BORCS5: variants seen among roughly 807,000 people sequenced by gnomAD.
BORCS5 encodes the protein BLOC-1-related complex subunit 5.
In BORCS5, 17 loss-of-function variants were observed where a neutral mutation model predicts 22.1. That is an observed-to-expected ratio of 0.77 (90% CI 0.53 to 1.15). The LOEUF (loss-of-function observed/expected upper bound fraction) is 1.15, where lower values mean the gene tolerates loss of function less well. BORCS5 is among the 50% of genes most tolerant of loss of function. The pLI is 0.00. For missense variants in BORCS5, 247 were observed against 253.2 expected, an observed-to-expected ratio of 0.98 and a Z score of 0.17; for synonymous variants, 117 against 99.8, an observed-to-expected ratio of 1.17 and a Z score of -1.03.
At chr12:12,457,857 T>C (rs1286200175) in intron 3 of BORCS5, among the ~76,000 whole-genome samples, 2 of 152,218 alleles carry the variant, frequency 1.3e-5, no homozygotes, top group Non-Finnish European at 2.9e-5. Context: ...GGACAGCTGC[T>C]TCCCTGAAAC....
chr12:12,438,373 A>AC (rs1565915577), intron 3 of BORCS5, among the ~76,000 whole-genome samples: 4 of 129,656 alleles, frequency 3.1e-5, no homozygotes, highest in Admixed American at 1.5e-4. Flanking sequence ...AAAAAAAAAA[A>AC]AAAAAAACGA....
At chr12:12,438,372 A>AAAAAAAAAAAAAAAC (rs1942604651) in intron 3 of BORCS5, among the ~76,000 whole-genome samples, 1 of 129,788 alleles carries the variant, frequency 7.7e-6, no homozygotes. Context: ...AAAAAAAAAA[A>AAAAAAAAAAAAAAAC]AAAAAAAACG....
At chr12:12,430,948 T>C (rs1242317821) in intron 2 of BORCS5, among the ~76,000 whole-genome samples, 1 of 152,242 alleles carries the variant, frequency 6.6e-6, no homozygotes, top group African/African-American at 2.4e-5. Context: ...TTTATAGATA[T>C]ACCCTGATTT....
intron 2 of BORCS5, among the ~76,000 whole-genome samples, chr12:12,412,313 T>C (rs1941756261): frequency 6.6e-6 from 1 of 152,226 alleles, no homozygotes; most frequent in Admixed American, 6.5e-5. Context: ...TTATGGTTTT[T>C]TTTATTGTAC....
At chr12:12,453,543 C>T (rs370194304) in intron 3 of BORCS5, among the ~76,000 whole-genome samples, 3 of 152,100 alleles carry the variant, frequency 2.0e-5, no homozygotes, top group African/African-American at 7.2e-5. Flanking sequence ...CGAAAGTGGC[C>T]ATCTGGGGTT....
chr12:12,357,939 C>G (rs1410865604), intron 1 of BORCS5, among the ~76,000 whole-genome samples: 1 of 152,180 alleles, frequency 6.6e-6, no homozygotes, highest in Non-Finnish European at 1.5e-5. Flanking sequence ...TGTCCACTTG[C>G]TTTGAACCCT....
At chr12:12,410,918 ACTT>A (rs144078147) in intron 2 of BORCS5, among the ~76,000 whole-genome samples, 41,963 of 151,794 alleles carry the variant, frequency 0.28, 6,350 homozygotes, top group Admixed American at 0.34. Flanking sequence ...AGTGGTTTGT[ACTT>A]CTCCTTGAAG....
intron 3 of BORCS5, among the ~76,000 whole-genome samples, chr12:12,459,648 A>C (rs1475099727): frequency 1.3e-5 from 2 of 152,164 alleles, no homozygotes; most frequent in Non-Finnish European, 2.9e-5. Context: ...TTCTTCTAGA[A>C]GTTTTATAGT....
intron 2 of BORCS5, among the ~76,000 whole-genome samples, chr12:12,430,848 T>C: frequency 6.6e-6 from 1 of 152,226 alleles, no homozygotes; most frequent in Non-Finnish European, 1.5e-5. Context: ...TGCATCTATA[T>C]ACCTTTTAAA....
At chr12:12,393,647 G>A (rs1360448141) in intron 2 of BORCS5, among the ~76,000 whole-genome samples, 1 of 146,832 alleles carries the variant, frequency 6.8e-6, no homozygotes, top group East Asian at 2.1e-4. Context: ...AACCTCCTGA[G>A]TAGCTGGGAC....
intron 3 of BORCS5, among the ~76,000 whole-genome samples, chr12:12,446,633 G>T (rs1942796425): frequency 6.6e-6 from 1 of 152,214 alleles, no homozygotes; most frequent in Admixed American, 6.5e-5. Flanking sequence ...ATTTCATCAG[G>T]AGGTGTCCCT....
chr12:12,437,975 C>G (rs145677567), intron 3 of BORCS5, among the ~76,000 whole-genome samples: 1 of 152,026 alleles, frequency 6.6e-6, no homozygotes, highest in Non-Finnish European at 1.5e-5. Context: ...GCGATCCTCC[C>G]GCCTCTGCCT....
intron 2 of BORCS5, among the ~76,000 whole-genome samples, chr12:12,412,900 C>CT (rs869045354): frequency 0.24 from 17,781 of 73,858 alleles, 2,489 homozygotes; most frequent in East Asian, 0.48. Context: ...TTGTGGTTTT[C>CT]TTTTTTTTTT....
intron 1 of BORCS5, among the ~76,000 whole-genome samples, chr12:12,358,877 TGAAAA>T (rs935909488): frequency 7.9e-5 from 12 of 152,260 alleles, no homozygotes; most frequent in African/African-American, 1.9e-4. Context: ...AAATATTTCT[TGAAAA>T]GAAATAAAAG....
intron 2 of BORCS5, among the ~76,000 whole-genome samples, chr12:12,370,097 T>TACAC (rs1491143233): frequency 6.8e-5 from 8 of 117,886 alleles, no homozygotes; most frequent in Non-Finnish European, 1.5e-4. Context: ...ATAGTGGTTT[T>TACAC]ATACACACAC....
At chr12:12,460,073 G>A (rs1943074901) in intron 3 of BORCS5, among the ~76,000 whole-genome samples, 1 of 152,138 alleles carries the variant, frequency 6.6e-6, no homozygotes, top group Non-Finnish European at 1.5e-5. Context: ...TTTTTACTTG[G>A]ATTGCAAATG....
intron 2 of BORCS5, among the ~76,000 whole-genome samples, chr12:12,402,441 G>A (rs1941501897): frequency 6.6e-6 from 1 of 152,194 alleles, no homozygotes; most frequent in Non-Finnish European, 1.5e-5. Flanking sequence ...ATGATTATTA[G>A]AGGGAAATTC....
chr12:12,429,695 C>A (rs1041501388), intron 2 of BORCS5, among the ~76,000 whole-genome samples: 2 of 152,202 alleles, frequency 1.3e-5, no homozygotes, highest in African/African-American at 2.4e-5. Context: ...TCGTTTCCCT[C>A]ACCCTCCACC....
Position 12,435,933 on chromosome 12 carries a change from T to A in BORCS5, c.360+148T>A, listed in dbSNP as rs187374448. 11 of 748,014 alleles carry A rather than the reference T, an allele frequency of 1.5e-5. No individual in the cohort carries two copies. The Admixed American group carries it at 3.7e-4, about 25-fold the overall frequency. 46.3% of individuals were successfully genotyped at this position (748,014 alleles called of 1,614,324 possible). A position where few individuals can be genotyped will look rare whatever the true frequency, so the allele number is the denominator to read the frequency against. ...TAAAATGTGATGATGAAAAAAGTGG[T>A]CCACAGAGCTGGGCTAATTTAGAGT... is the stretch of plus-strand genomic sequence containing the variant. On this transcript the variant is annotated intron_variant, in intron 3 of 3. Coordinates refer to ENST00000314565, the MANE Select transcript of BORCS5 (RefSeq NM_058169.6).
Sources: gnomAD v4.1 joint callset for allele counts (sites outside exome capture counted in the v4.1 genomes callset) on GRCh38, gnomAD v4.1.1 for gene constraint, MANE v1.5 for transcripts, NCBI Gene and HGNC (gene_info 2026-07-23, HGNC 2026-07-21) for gene names.